The following SLC39A11 variants were observed in gnomAD, a reference collection of about 807,000 sequenced individuals.
The protein encoded by SLC39A11 is solute carrier family 39 member 11.
SLC39A11 carries 33 observed loss-of-function variants against 36.1 expected under a neutral mutation model. That is an observed-to-expected ratio of 0.91 (90% CI 0.69 to 1.22). SLC39A11 has a LOEUF of 1.22. SLC39A11 is among the 50% of genes most tolerant of loss of function. The pLI is 0.00. For synonymous variants in SLC39A11, 166 were observed against 170.3 expected (o/e 0.97, Z 0.20); for missense variants, 432 against 430.3 (o/e 1.00, Z -0.03).
rs544298510 is a variant in SLC39A11, at chr17:72,768,826, T to A, written c.602-32107A>T. 5.9e-5 allele frequency among the ~76,000 whole-genome samples: 9 copies of A among 151,902 alleles called. No homozygotes were observed. The East Asian group carries it at 9.7e-4, about 16-fold the overall frequency. On this transcript the variant is annotated intron_variant, in intron 6 of 9. Transcript: ENST00000255559. ...CCCAGGCTGGAGTGCAGTGGTGTGATCTCGGCTCACTGCAACCTCCACCTC... is the reference window on the plus strand; with the variant it reads ...CCCAGGCTGGAGTGCAGTGGTGTGAACTCGGCTCACTGCAACCTCCACCTC...
chr17:73,000,786 C>T (rs1568098923), intron 4 of SLC39A11, among the ~76,000 whole-genome samples: 1 of 152,214 alleles, frequency 6.6e-6, no homozygotes, highest in Non-Finnish European at 1.5e-5. Flanking sequence ...CTTCCTATAG[C>T]TCCAAGATAT....
intron 3 of SLC39A11, among the ~76,000 whole-genome samples, chr17:73,062,475 A>AAAAAAAAAAAAAACC (rs56021607): frequency 9.2e-5 from 8 of 87,034 alleles, no homozygotes; most frequent in Non-Finnish European, 1.3e-4. Flanking sequence ...AAAAAAAAAA[A>AAAAAAAAAAAAAACC]AAACTTTAGG....
At chr17:72,903,271 G>GAAAAAA (rs11450652) in intron 5 of SLC39A11, among the ~76,000 whole-genome samples, 53 of 112,030 alleles carry the variant, frequency 4.7e-4, no homozygotes, top group African/African-American at 7.4e-4. Flanking sequence ...GTCTCGAAAA[G>GAAAAAA]AAAAAAAAAA....
At chr17:72,656,979 A>G (rs1446708081) in intron 7 of SLC39A11, among the ~76,000 whole-genome samples, 1 of 151,436 alleles carries the variant, frequency 6.6e-6, no homozygotes, top group African/African-American at 2.4e-5. Flanking sequence ...CTGTCTGTAT[A>G]TAATAAATAA....
At chr17:72,665,096 T>C (rs1282423858) in intron 7 of SLC39A11, among the ~76,000 whole-genome samples, 1 of 152,190 alleles carries the variant, frequency 6.6e-6, no homozygotes, top group Non-Finnish European at 1.5e-5. Flanking sequence ...GACTACTAGC[T>C]CTGGGGGAAG....
intron 6 of SLC39A11, among the ~76,000 whole-genome samples, chr17:72,802,411 G>A (rs930767331): frequency 2.6e-5 from 4 of 151,910 alleles, no homozygotes; most frequent in Non-Finnish European, 5.9e-5. Context: ...CCAGCGTGGT[G>A]AAAACCCGTC....
At chr17:72,787,310 G>T (rs1275809327) in intron 6 of SLC39A11, among the ~76,000 whole-genome samples, 3 of 126,936 alleles carry the variant, frequency 2.4e-5, no homozygotes, top group Non-Finnish European at 3.2e-5. Flanking sequence ...TAGGCTGGAT[G>T]GCAGTGGCGC....
intron 6 of SLC39A11, among the ~76,000 whole-genome samples, chr17:72,822,789 AC>A (rs200025895): frequency 0.011 from 1,587 of 150,838 alleles, 97 homozygotes; most frequent in Middle Eastern, 0.014. Context: ...ATCATAGCTC[AC>A]TGCAGCTTCA....
chr17:72,757,597 C>T (rs1218902378), intron 6 of SLC39A11, among the ~76,000 whole-genome samples: 4 of 152,086 alleles, frequency 2.6e-5, no homozygotes, highest in Non-Finnish European at 4.4e-5. Context: ...GGCACTCCCA[C>T]CATGGGGCCT....
At chr17:72,974,185 T>C (rs1413795912) in intron 4 of SLC39A11, among the ~76,000 whole-genome samples, 5 of 152,186 alleles carry the variant, frequency 3.3e-5, no homozygotes, top group African/African-American at 7.2e-5. Flanking sequence ...CCGCAACCTC[T>C]ACCTCCCAGG....
At chr17:73,073,933 C>T (rs752639400) in intron 3 of SLC39A11, 6 of 152,016 alleles carry the variant, frequency 3.9e-5, no homozygotes, top group Admixed American at 2.0e-4. Context: ...TCTTGTGGTG[C>T]TTTGGTTGTG....
chr17:72,899,526 C>G (rs910901346), intron 5 of SLC39A11, among the ~76,000 whole-genome samples: 1 of 152,196 alleles, frequency 6.6e-6, no homozygotes, highest in Admixed American at 6.5e-5. Context: ...ATTACTCTAA[C>G]ACCACAATTC....
intron 6 of SLC39A11, among the ~76,000 whole-genome samples, chr17:72,833,126 GGTCTCCA>G (rs2078359767): frequency 6.6e-6 from 1 of 152,184 alleles, no homozygotes; most frequent in East Asian, 1.9e-4. Context: ...CCTCTTGCCT[GGTCTCCA>G]GTCTCCATTA....
At chr17:72,805,483 C>T (rs974546060) in intron 6 of SLC39A11, among the ~76,000 whole-genome samples, 2 of 152,202 alleles carry the variant, frequency 1.3e-5, no homozygotes, top group Non-Finnish European at 2.9e-5. Flanking sequence ...GAACTGGCCA[C>T]CTACAGTGCC....
At chr17:72,875,199 T>C (rs529243732) in intron 5 of SLC39A11, among the ~76,000 whole-genome samples, 153 of 152,346 alleles carry the variant, frequency 1.0e-3, no homozygotes, top group African/African-American at 3.6e-3. Context: ...GCTGTGTATA[T>C]TATTTTAAAT....
intron 6 of SLC39A11, among the ~76,000 whole-genome samples, chr17:72,778,632 G>C (rs1405309988): frequency 6.6e-6 from 1 of 152,212 alleles, no homozygotes; most frequent in African/African-American, 2.4e-5. Context: ...GGATGTCAGG[G>C]CTTTCATTAG....
At chr17:72,729,908 T>A (rs1475947869) in intron 7 of SLC39A11, among the ~76,000 whole-genome samples, 2 of 152,090 alleles carry the variant, frequency 1.3e-5, no homozygotes, top group African/African-American at 4.8e-5. Flanking sequence ...GGCTTAACTG[T>A]CGATTAATAA....
chr17:72,832,397 C>G (rs2078324145), intron 6 of SLC39A11, among the ~76,000 whole-genome samples: 2 of 152,120 alleles, frequency 1.3e-5, no homozygotes, highest in African/African-American at 4.8e-5. Context: ...CTATTTTTTT[C>G]TATCCTCTCC....
At chr17:72,825,289 CATA>C (rs1227802455) in intron 6 of SLC39A11, among the ~76,000 whole-genome samples, 1 of 152,224 alleles carries the variant, frequency 6.6e-6, no homozygotes, top group East Asian at 1.9e-4. Flanking sequence ...GGGTGCAAGC[CATA>C]AACCTTGGTG....
Sources: allele counts gnomAD v4.1 joint callset (sites outside exome capture counted in the v4.1 genomes callset), GRCh38; gene constraint gnomAD v4.1.1; transcripts MANE v1.5; gene names NCBI Gene and HGNC (gene_info 2026-07-23, HGNC 2026-07-21).